The following DNAH14 variants were observed in gnomAD, a reference collection of about 807,000 sequenced individuals.
DNAH14 encodes axonemal beta dynein heavy chain 14.
DNAH14 carries 478 observed loss-of-function variants against 520.9 expected under a neutral mutation model. That is an observed-to-expected ratio of 0.92 (90% CI 0.85 to 0.99). The LOEUF (loss-of-function observed/expected upper bound fraction) is 0.99, where lower values mean the gene tolerates loss of function less well. Among genes scored for constraint, DNAH14 ranks in the 50% least tolerant of loss-of-function variants. The pLI is 0.00. For synonymous variants in DNAH14, 1,581 were observed against 1,757.2 expected, an observed-to-expected ratio of 0.90 and a Z score of 2.51; for missense variants, 4,831 against 5,234.5, an observed-to-expected ratio of 0.92 and a Z score of 2.38.
At chr1:225,157,852 A>G (rs1317532170) in intron 34 of DNAH14, among the ~76,000 whole-genome samples, 3 of 152,226 alleles carry the variant, frequency 2.0e-5, no homozygotes, top group Non-Finnish European at 4.4e-5. Flanking sequence ...AGGTATTCTC[A>G]GGGAAATGTA....
rs570869646 is a variant in DNAH14, at chr1:225,050,368, C to T, written c.2071C>T (p.Gln691Ter). Reference sequence around the variant, plus strand: ...CCTTTTTGAAACAGATCCTGCCTACCAAAATATAGTAAGTTTTAAAACAGT... The same window carrying T: ...CCTTTTTGAAACAGATCCTGCCTACTAAAATATAGTAAGTTTTAAAACAGT... The part of the protein sequence containing the change: ...HILFETDPAY[Q>*]NIIVNLLTII... The change falls in exon 16 of 86, where the codon CAA becomes TAA. Residue 691 changes from glutamine to a stop codon, truncating the protein, a stop_gained. Transcript: ENST00000682510. LOFTEE classifies it high-confidence loss of function. The T allele has an allele frequency of 3.6e-5, 56 of 1,541,410 alleles. No homozygotes were observed. In the South Asian group the frequency reaches 7.0e-4, roughly 19 times the overall value.
intron 10 of DNAH14, among the ~76,000 whole-genome samples, chr1:225,013,268 C>G (rs1304196674): frequency 1.3e-5 from 2 of 152,058 alleles, no homozygotes; most frequent in Admixed American, 6.6e-5. Flanking sequence ...CCACTTTAGC[C>G]CCTGTTTGCC....
At chr1:225,098,174 A>T (rs3105569) in intron 22 of DNAH14, among the ~76,000 whole-genome samples, 30,619 of 151,878 alleles carry the variant, frequency 0.2, 6,419 homozygotes, top group African/African-American at 0.52. Context: ...TCCAGCCTGA[A>T]CCATACCACA....
intron 60 of DNAH14, among the ~76,000 whole-genome samples, chr1:225,316,118 A>G (rs916595938): frequency 6.6e-6 from 1 of 152,224 alleles, no homozygotes; most frequent in African/African-American, 2.4e-5. Context: ...GGCTCTGCCC[A>G]GTCCAAAATT....
At chr1:225,056,702 T>G (rs1558810289) in intron 17 of DNAH14, among the ~76,000 whole-genome samples, 1 of 152,188 alleles carries the variant, frequency 6.6e-6, no homozygotes, top group Non-Finnish European at 1.5e-5. Flanking sequence ...TGAATTAATT[T>G]TTGTATAAGG....
chr1:225,357,394 A>G (rs1405097459), intron 73 of DNAH14, among the ~76,000 whole-genome samples: 1 of 152,158 alleles, frequency 6.6e-6, no homozygotes, highest in Non-Finnish European at 1.5e-5. Flanking sequence ...TCAATAGAAT[A>G]AAAGAGGAGC....
At chr1:225,102,232 A>G (rs2075554379) in intron 23 of DNAH14, among the ~76,000 whole-genome samples, 2 of 151,872 alleles carry the variant, frequency 1.3e-5, no homozygotes, top group South Asian at 2.1e-4. Flanking sequence ...ATCATTTTTT[A>G]TGGCTGCATA....
intron 8 of DNAH14, among the ~76,000 whole-genome samples, chr1:224,979,310 T>A (rs1450837458): frequency 6.6e-6 from 1 of 152,138 alleles, no homozygotes; most frequent in Non-Finnish European, 1.5e-5. Flanking sequence ...GGAGAGATAA[T>A]CTGAGCACTT....
At position 225,273,063 on chromosome 1, in the gene DNAH14, G is replaced by T; in HGVS notation, c.7948G>T (p.Asp2650Tyr). The T allele has an allele frequency of 6.4e-7, 1 of 1,551,594 alleles. No individual in the cohort carries two copies. Among genetic ancestry groups the T allele is most frequent in the Non-Finnish European group, 8.7e-7 (1 of 1,146,968 alleles). ...ATRVFHDRLI[D>Y]FTDKSLFYRL... ...CCGAGTATTTCACGATCGCTTAATTGATTTCACTGATAAAAGCCTTTTCTA... is the reference window on the plus strand; with the variant it reads ...CCGAGTATTTCACGATCGCTTAATTTATTTCACTGATAAAAGCCTTTTCTA... Residue 2650 changes from aspartate (D) to tyrosine (Y), a missense_variant, in exon 52 of 86, where the codon GAT (aspartate) becomes TAT (tyrosine). Coordinates refer to ENST00000682510, the MANE Select transcript of DNAH14 (RefSeq NM_001367479.1).
Position 225,377,231 on chromosome 1 carries a change from T to A in DNAH14, c.12517-6T>A, listed in dbSNP as rs1457425673. ...GAAAAAAGCTAACAAAATGTTAAATTTTCAGATATGTCTGCCAGTTCCAGG... is the reference window on the plus strand; with the variant it reads ...GAAAAAAGCTAACAAAATGTTAAATATTCAGATATGTCTGCCAGTTCCAGG... On this transcript the variant is annotated splice_region_variant and splice_polypyrimidine_tract_variant and intron_variant, in intron 78 of 85. Coordinates refer to ENST00000682510, the MANE Select transcript of DNAH14 (RefSeq NM_001367479.1). 2.3e-5 allele frequency: 32 copies of A among 1,369,564 alleles called. No homozygotes were observed. The highest frequency in any genetic ancestry group is 2.9e-5 in the Non-Finnish European group (31 of 1,051,794). 84.8% of individuals were successfully genotyped at this position (1,369,564 alleles called of 1,614,324 possible).
At chr1:225,211,194 T>A (rs1480730935) in intron 41 of DNAH14, among the ~76,000 whole-genome samples, 1 of 152,170 alleles carries the variant, frequency 6.6e-6, no homozygotes, top group Non-Finnish European at 1.5e-5. Flanking sequence ...AGGTGGGTAA[T>A]AACAAACTCC....
intron 11 of DNAH14, among the ~76,000 whole-genome samples, chr1:225,031,690 CT>C (rs5781393): frequency 0.9 from 137,212 of 151,814 alleles, 63,567 homozygotes; most frequent in East Asian, 1. Context: ...AAAACTTTAG[CT>C]TCTTCAACTC....
intron 69 of DNAH14, among the ~76,000 whole-genome samples, chr1:225,345,164 T>C (rs1027177641): frequency 6.6e-6 from 1 of 152,180 alleles, no homozygotes; most frequent in African/African-American, 2.4e-5. Flanking sequence ...TCAGTAAGAA[T>C]ATGGTACACA....
chr1:225,158,184 A>T (rs752103706), intron 34 of DNAH14, among the ~76,000 whole-genome samples: 1 of 152,150 alleles, frequency 6.6e-6, no homozygotes, highest in Non-Finnish European at 1.5e-5. Flanking sequence ...TATATACAAT[A>T]TATACTGTAG....
At chr1:224,951,193 T>C (rs2060147441) in intron 1 of DNAH14, among the ~76,000 whole-genome samples, 1 of 152,054 alleles carries the variant, frequency 6.6e-6, no homozygotes, top group African/African-American at 2.4e-5. Context: ...TCCTGGCTAA[T>C]TTTTGTATTT....
chr1:225,204,136 A>G (rs534685942), intron 38 of DNAH14, 47 bp from the exon 39 acceptor site: 4 of 996,326 alleles, frequency 4.0e-6, no homozygotes, highest in Non-Finnish European at 5.7e-6. Flanking sequence ...TGTAGTTGAA[A>G]AGTGTTATTA....
intron 56 of DNAH14, 57 bp downstream of exon 56, chr1:225,301,087 A>ATAATT: frequency 2.0e-6 from 3 of 1,468,340 alleles, no homozygotes; most frequent in Middle Eastern, 2.3e-4. Context: ...GACCGTGTTT[A>ATAATT]TAATTCTGTA....
intron 72 of DNAH14, 110 bp from the exon 73 acceptor site, chr1:225,353,693 G>GAAA: frequency 1.1e-5 from 6 of 523,026 alleles, no homozygotes; most frequent in South Asian, 2.4e-5. Flanking sequence ...GCCATGTTTA[G>GAAA]AAAAAAAAAA....
chr1:225,254,270 T>G (rs1234324200), intron 44 of DNAH14, among the ~76,000 whole-genome samples: 1 of 152,160 alleles, frequency 6.6e-6, no homozygotes, highest in African/African-American at 2.4e-5. Context: ...ATGGTTATAT[T>G]TGGATCTTTG....
Sources: allele counts gnomAD v4.1 joint callset (sites outside exome capture counted in the v4.1 genomes callset), GRCh38; gene constraint gnomAD v4.1.1; transcripts MANE v1.5; gene names NCBI Gene and HGNC (gene_info 2026-07-23, HGNC 2026-07-21).